The following STAG2 variants were observed in gnomAD, a reference collection of about 807,000 sequenced individuals.
The protein encoded by STAG2 is STAG2 cohesin complex component.
STAG2 carries 14 observed loss-of-function variants against 108.1 expected under a neutral mutation model. The ratio of observed to expected loss-of-function variants is 0.13; its 90% CI spans 0.09 to 0.20. STAG2 has a LOEUF of 0.20. Among genes scored for constraint, STAG2 ranks in the 10% least tolerant of loss-of-function variants. The pLI is 1.00. For missense variants in STAG2, 440 were observed against 940.9 expected (o/e 0.47, Z 6.96); for synonymous variants, 307 against 302.7 (o/e 1.01, Z -0.15).
rs758095720 is a variant in STAG2 at position 124,009,397 on chromosome X, A to G, written c.-162-11970A>G. 6.3e-3 allele frequency among the ~76,000 whole-genome samples: 502 copies of G among 80,192 alleles called. 2 individuals are homozygous for G. Among genetic ancestry groups the G allele is most frequent in the Non-Finnish European group, 9.9e-3 (412 of 41,411 alleles). 69.6% of individuals were successfully genotyped at this position (80,192 alleles called of 115,157 possible). On this transcript the variant is annotated intron_variant, in intron 1 of 34. Transcript: ENST00000371145. ...TCTGGTACCAGTAATCTAACCAGGTAGGTAGGTAGGTAGGTAGGTAGGTAG... is the reference window on the plus strand; with the variant it reads ...TCTGGTACCAGTAATCTAACCAGGTGGGTAGGTAGGTAGGTAGGTAGGTAG...
Position 124,022,582 on chromosome X carries a change from A to G in STAG2, c.-46A>G, listed in dbSNP as rs1569505356. The G allele has an allele frequency of 9.3e-7, 1 of 1,071,078 alleles. No individual in the cohort carries two copies. The allele number at this position is 1,071,078 out of a possible 1,213,427, so 88.3% of individuals were successfully genotyped here. A position where few individuals can be genotyped will look rare whatever the true frequency, so the allele number is the denominator to read the frequency against. The stretch of plus-strand genomic sequence containing the variant: ...GCCACCATTTTACCCACGTAAATAT[A>G]TGAATATATTTCTGACATTGAGGTG... On this transcript the variant is annotated 5_prime_UTR_variant, in exon 3 of 35. In the 5' UTR this introduces an upstream ATG that the reference lacks. Coordinates refer to ENST00000371145, the MANE Select transcript of STAG2 (RefSeq NM_001042750.2).
chrX:124,037,230 A>G (rs1204393887), intron 5 of STAG2, among the ~76,000 whole-genome samples: 3 of 111,730 alleles, frequency 2.7e-5, no homozygotes, highest in African/African-American at 9.7e-5. Flanking sequence ...CTTTAATGTC[A>G]CTGAGAAATC....
intron 1 of STAG2, among the ~76,000 whole-genome samples, chrX:123,996,331 A>T (rs1266184085): frequency 8.9e-6 from 1 of 112,341 alleles, no homozygotes; most frequent in Non-Finnish European, 1.9e-5. Flanking sequence ...ATGAAATAAC[A>T]TCAGAAGAAA....
At chrX:124,075,399 A>G (rs2058774329) in intron 25 of STAG2, among the ~76,000 whole-genome samples, 2 of 110,959 alleles carry the variant, frequency 1.8e-5, no homozygotes, top group African/African-American at 6.6e-5. Context: ...TCAGCCTCCC[A>G]ACTAGGTGGG....
At chrX:124,082,799 C>A (rs999713365) in intron 28 of STAG2, among the ~76,000 whole-genome samples, 3 of 111,541 alleles carry the variant, frequency 2.7e-5, no homozygotes, top group African/African-American at 9.8e-5. Flanking sequence ...TTAAGGACTA[C>A]CTGTATATTA....
chrX:124,020,920 C>T (rs1483511596), intron 1 of STAG2, among the ~76,000 whole-genome samples: 4 of 111,860 alleles, frequency 3.6e-5, no homozygotes, highest in African/African-American at 1.3e-4. Flanking sequence ...GACCTGCCCG[C>T]CTTGGCCTCC....
Position 124,028,397 on chromosome X carries a change from GATGAT to G in STAG2, c.123+2480_123+2484del, listed in dbSNP as rs200809601. ...TCACGTCCTGGGTGGGATACAGCAG[GATGAT>G]GAGTGATTCTATCATGCTACTCAGA... On this transcript the variant is annotated intron_variant, in intron 4 of 34. Coordinates refer to ENST00000371145, the MANE Select transcript of STAG2 (RefSeq NM_001042750.2). 2.7e-5 allele frequency among the ~76,000 whole-genome samples: 3 copies of G among 111,453 alleles called. No individual in the cohort carries two copies. In the East Asian group the frequency reaches 8.5e-4, roughly 31 times the overall value.
chrX:123,971,560 T>A (rs1442431134), intron 1 of STAG2, among the ~76,000 whole-genome samples: 1 of 112,363 alleles, frequency 8.9e-6, no homozygotes, highest in African/African-American at 3.2e-5. Flanking sequence ...TGGTCAATAG[T>A]AAAAAGACAA....
chrX:124,076,302 G>A, intron 25 of STAG2, 30 bp from the exon 26 acceptor site: 1 of 1,192,259 alleles, frequency 8.4e-7, no homozygotes, highest in Non-Finnish European at 1.1e-6. Flanking sequence ...TAAAATACAA[G>A]ATGCTTAATG....
rs1445851247 is a variant in STAG2 at position 124,094,225 on chromosome X, ATACT to A, written c.3705+85_3705+88del. 5.0e-6 allele frequency: 5 copies of A among 1,007,214 alleles called. No individual in the cohort carries two copies. In the African/African-American group the frequency reaches 5.8e-5, roughly 12 times the overall value. 83.0% of individuals were successfully genotyped at this position (1,007,214 alleles called of 1,213,427 possible). On this transcript the variant is annotated intron_variant, in intron 33 of 34. Coordinates refer to ENST00000371145, the MANE Select transcript of STAG2 (RefSeq NM_001042750.2). ...GTTGGATATTTATTAGAGTAGAGAA[ATACT>A]TACCAAGAGAAGTAAGTTTTGCAAA...
At chrX:124,001,014 A>G (rs1439602719) in intron 1 of STAG2, among the ~76,000 whole-genome samples, 1 of 112,451 alleles carries the variant, frequency 8.9e-6, no homozygotes, top group Non-Finnish European at 1.9e-5. Flanking sequence ...AAGTGTTATA[A>G]TTAGGAGTCA....
At chrX:124,027,685 CAT>C (rs1216231335) in intron 4 of STAG2, among the ~76,000 whole-genome samples, 2 of 111,745 alleles carry the variant, frequency 1.8e-5, no homozygotes, top group African/African-American at 3.3e-5. Context: ...AACAATTTCA[CAT>C]GTTAATCTAA....
chrX:124,004,587 TCATC>T (rs956531004), intron 1 of STAG2, among the ~76,000 whole-genome samples: 1 of 111,245 alleles, frequency 9.0e-6, no homozygotes, highest in East Asian at 2.8e-4. Context: ...CATATTTTGT[TCATC>T]CATTCATTCA....
chrX:123,961,942 G>T (rs2053883733), intron 1 of STAG2, 86 bp downstream of exon 1: 1 of 112,969 alleles, frequency 8.9e-6, no homozygotes, highest in African/African-American at 3.2e-5. Flanking sequence ...CCCGAAGGGG[G>T]CCCTGCCTGC....
chrX:124,093,299 C>T (rs1189206535), intron 32 of STAG2, among the ~76,000 whole-genome samples: 1 of 111,252 alleles, frequency 9.0e-6, no homozygotes, highest in Non-Finnish European at 1.9e-5. Flanking sequence ...GAGTGTTCCT[C>T]ATTTCTTCCT....
At chrX:123,976,522 C>T (rs1399794261) in intron 1 of STAG2, among the ~76,000 whole-genome samples, 1 of 109,339 alleles carries the variant, frequency 9.1e-6, no homozygotes, top group African/African-American at 3.3e-5. Context: ...TTGAAACCTT[C>T]GTTTTTTTTT....
At chrX:124,044,521 T>C (rs1011809304) in intron 7 of STAG2, among the ~76,000 whole-genome samples, 1 of 111,674 alleles carries the variant, frequency 9.0e-6, no homozygotes, top group Non-Finnish European at 1.9e-5. Flanking sequence ...TATATGGTAT[T>C]GGTCTCTGCT....
intron 1 of STAG2, among the ~76,000 whole-genome samples, chrX:123,984,335 A>G (rs1419846217): frequency 1.8e-5 from 2 of 111,631 alleles, no homozygotes; most frequent in Admixed American, 1.9e-4. Context: ...GATAGAATGT[A>G]TTATTTATAG....
chrX:124,015,726 T>G lies in STAG2; in HGVS notation c.-162-5641T>G, dbSNP rs984489752. On this transcript the variant is annotated intron_variant, in intron 1 of 34. Coordinates refer to ENST00000371145, the MANE Select transcript of STAG2 (RefSeq NM_001042750.2). ...AAAGGGGCAGTAGTTTTTTTCTTTT[T>G]GAAGGTAGATATTTATGTCCACATT... is the stretch of plus-strand genomic sequence containing the variant. Among the ~76,000 whole-genome samples, 3 of 112,365 alleles carry G rather than the reference T, an allele frequency of 2.7e-5. No individual in the cohort carries two copies. In the Admixed American group the frequency reaches 2.8e-4, roughly 11 times the overall value.
Sources: allele counts gnomAD v4.1 joint callset (sites outside exome capture counted in the v4.1 genomes callset), GRCh38; gene constraint gnomAD v4.1.1; transcripts MANE v1.5; gene names NCBI Gene and HGNC (gene_info 2026-07-23, HGNC 2026-07-21).